ARK2N: variants seen among roughly 807,000 people sequenced by gnomAD.
ARK2N encodes the protein arkadia (RNF111) N-terminal like PKA signaling regulator 2N.
the ARK2N span, chr18:46,265,666 G>A: frequency 6.6e-6 from 1 of 152,486 alleles, no homozygotes; most frequent in Non-Finnish European, 1.5e-5. Context: ...TAGAGAGACT[G>A]TGTTTCAACT....
chr18:46,183,512 GTTGTGTTAAT>G, the ARK2N span, among the ~76,000 whole-genome samples: 1 of 152,160 alleles, frequency 6.6e-6, no homozygotes, highest in Admixed American at 6.6e-5. Flanking sequence ...TCGTTGCCCA[GTTGTGTTAAT>G]TTGTTACTCA....
the ARK2N span, among the ~76,000 whole-genome samples, chr18:46,249,810 C>T: frequency 6.6e-6 from 1 of 151,974 alleles, no homozygotes; most frequent in Non-Finnish European, 1.5e-5. Context: ...ACTGTGTTTG[C>T]TCTTCCTTCC....
chr18:46,252,783 T>C, the ARK2N span, among the ~76,000 whole-genome samples: 4 of 152,196 alleles, frequency 2.6e-5, 1 homozygote, highest in Admixed American at 2.0e-4. Context: ...CAAGAGCTGG[T>C]ACATAGGCCG....
At chr18:46,238,427 A>G in the ARK2N span, among the ~76,000 whole-genome samples, 1 of 152,200 alleles carries the variant, frequency 6.6e-6, no homozygotes, top group Non-Finnish European at 1.5e-5. Context: ...ACGCCATTGA[A>G]TATTGCAGCT....
chr18:46,235,215 T>C, the ARK2N span, among the ~76,000 whole-genome samples: 1 of 152,238 alleles, frequency 6.6e-6, no homozygotes, highest in African/African-American at 2.4e-5. Flanking sequence ...TTTCTATGAA[T>C]ACACGCAAGC....
the ARK2N span, among the ~76,000 whole-genome samples, chr18:46,208,219 A>T: frequency 1.3e-5 from 2 of 152,144 alleles, no homozygotes; most frequent in African/African-American, 4.8e-5. Flanking sequence ...TAGTCCTCTG[A>T]TAAACTTCAG....
the ARK2N span, among the ~76,000 whole-genome samples, chr18:46,215,171 T>C: frequency 6.6e-6 from 1 of 152,092 alleles, no homozygotes; most frequent in Non-Finnish European, 1.5e-5. Flanking sequence ...ATACAAAAAT[T>C]AGCCGGGTGT....
At chr18:46,215,192 G>A in the ARK2N span, among the ~76,000 whole-genome samples, 3 of 152,080 alleles carry the variant, frequency 2.0e-5, no homozygotes, top group African/African-American at 2.4e-5. Flanking sequence ...GGTGGTGTGC[G>A]CCTGTAGTCC....
chr18:46,182,547 C>G, the ARK2N span, among the ~76,000 whole-genome samples: 3 of 152,214 alleles, frequency 2.0e-5, no homozygotes, highest in South Asian at 6.2e-4. Context: ...AGTTTTAGAC[C>G]AGCCGGGGCA....
the ARK2N span, among the ~76,000 whole-genome samples, chr18:46,203,642 G>T: frequency 6.6e-6 from 1 of 152,082 alleles, no homozygotes; most frequent in Non-Finnish European, 1.5e-5. Context: ...CTCTTGTCCA[G>T]GCTGGAGTGC....
the ARK2N span, among the ~76,000 whole-genome samples, chr18:46,260,734 T>C: frequency 6.6e-6 from 1 of 152,214 alleles, no homozygotes; most frequent in Non-Finnish European, 1.5e-5. Context: ...AGGCAGTGCT[T>C]CTTTCAGTCA....
the ARK2N span, among the ~76,000 whole-genome samples, chr18:46,251,020 T>C: frequency 3.3e-5 from 5 of 152,178 alleles, no homozygotes; most frequent in African/African-American, 7.2e-5. Flanking sequence ...CGCAGGTTCA[T>C]TGAGGGTAGA....
the ARK2N span, among the ~76,000 whole-genome samples, chr18:46,194,965 T>C: frequency 6.6e-6 from 1 of 151,618 alleles, no homozygotes; most frequent in African/African-American, 2.4e-5. Flanking sequence ...CACGCCTGGC[T>C]AATTTTTTGT....
At chr18:46,256,437 A>G in the ARK2N span, among the ~76,000 whole-genome samples, 2 of 152,034 alleles carry the variant, frequency 1.3e-5, no homozygotes, top group African/African-American at 4.8e-5. Flanking sequence ...ATATTTTTGT[A>G]TCTGGAGTTA....
At chr18:46,252,002 G>T in the ARK2N span, among the ~76,000 whole-genome samples, 2 of 151,992 alleles carry the variant, frequency 1.3e-5, no homozygotes, top group African/African-American at 4.8e-5. Flanking sequence ...AGACCAGCCT[G>T]GCCAACGTGA....
chr18:46,225,814 T>C, the ARK2N span, among the ~76,000 whole-genome samples: 4 of 152,268 alleles, frequency 2.6e-5, no homozygotes, highest in East Asian at 5.8e-4. Context: ...AAAAATTAGG[T>C]ATTCACAACA....
At chr18:46,194,006 T>C in the ARK2N span, among the ~76,000 whole-genome samples, 1 of 152,156 alleles carries the variant, frequency 6.6e-6, no homozygotes, top group Non-Finnish European at 1.5e-5. Context: ...TTTTCTTGTT[T>C]GTTTCTTTCT....
chr18:46,183,365 T>G, the ARK2N span, among the ~76,000 whole-genome samples: 2 of 152,330 alleles, frequency 1.3e-5, no homozygotes, highest in Non-Finnish European at 2.9e-5. Flanking sequence ...ATTTAGAAGC[T>G]TGATCAGATT....
the ARK2N span, among the ~76,000 whole-genome samples, chr18:46,207,590 A>G: frequency 1.3e-5 from 2 of 151,812 alleles, no homozygotes; most frequent in African/African-American, 4.8e-5. Context: ...GGGTTTCACC[A>G]TGTTGGCTAG....
Sources: gnomAD v4.1 joint callset for allele counts (sites outside exome capture counted in the v4.1 genomes callset) on GRCh38, gnomAD v4.1.1 for gene constraint, MANE v1.5 for transcripts, NCBI Gene and HGNC (gene_info 2026-07-23, HGNC 2026-07-21) for gene names.